Variants in TBC1D5 observed in about 807,000 individuals in gnomAD.
TBC1D5 encodes TBC1 domain family member 5, also known as TBC1 domain family, member 5.
In TBC1D5, 75 loss-of-function variants were observed where a neutral mutation model predicts 100.3. That is an observed-to-expected ratio of 0.75 (90% CI 0.62 to 0.91). The LOEUF is 0.91. TBC1D5 is among the 40% of genes least tolerant of loss of function. The pLI is 0.00. For synonymous variants in TBC1D5, 323 were observed against 325.6 expected, an observed-to-expected ratio of 0.99 and a Z score of 0.09; for missense variants, 910 against 942.4, an observed-to-expected ratio of 0.97 and a Z score of 0.45.
At chr3:17,723,233 T>C (rs2153970213) in intron 1 of TBC1D5, among the ~76,000 whole-genome samples, 1 of 152,206 alleles carries the variant, frequency 6.6e-6, no homozygotes, top group East Asian at 1.9e-4. Flanking sequence ...ACCCATTCTC[T>C]ATGTGTGATT....
At chr3:17,216,511 A>G (rs2073651339) in intron 17 of TBC1D5, among the ~76,000 whole-genome samples, 1 of 152,090 alleles carries the variant, frequency 6.6e-6, no homozygotes, top group African/African-American at 2.4e-5. Context: ...GAAGAATCCA[A>G]CCTGTAATGC....
intron 1 of TBC1D5, among the ~76,000 whole-genome samples, chr3:17,669,043 A>G (rs1212904381): frequency 6.6e-6 from 1 of 152,162 alleles, no homozygotes; most frequent in Non-Finnish European, 1.5e-5. Context: ...TGTAGTTCCC[A>G]TAATCCCCAT....
chr3:17,693,680 A>C (rs967982396), intron 1 of TBC1D5, among the ~76,000 whole-genome samples: 4 of 152,298 alleles, frequency 2.6e-5, no homozygotes, highest in African/African-American at 7.2e-5. Context: ...GCAGCAGACA[A>C]CTTCTGCAGA....
At chr3:17,579,893 T>TTATA (rs935169853) in intron 2 of TBC1D5, among the ~76,000 whole-genome samples, 7 of 152,116 alleles carry the variant, frequency 4.6e-5, no homozygotes, top group African/African-American at 1.7e-4. Flanking sequence ...AGAGATCACA[T>TTATA]TATACCAATA....
At chr3:17,319,802 G>A (rs530803041) in intron 13 of TBC1D5, among the ~76,000 whole-genome samples, 9 of 152,152 alleles carry the variant, frequency 5.9e-5, no homozygotes, top group African/African-American at 1.2e-4. Context: ...CCCGGGAGGC[G>A]GAGCTTGCAG....
At chr3:17,234,568 A>G (rs1297748480) in intron 17 of TBC1D5, among the ~76,000 whole-genome samples, 3 of 152,176 alleles carry the variant, frequency 2.0e-5, no homozygotes, top group Non-Finnish European at 2.9e-5. Flanking sequence ...CCTGGATGAC[A>G]AAGTTCAACA....
chr3:17,443,865 A>C (rs1392975470), intron 3 of TBC1D5, among the ~76,000 whole-genome samples: 1 of 152,228 alleles, frequency 6.6e-6, no homozygotes, highest in Non-Finnish European at 1.5e-5. Context: ...TACAATCTGA[A>C]GAACAAAGAA....
At chr3:17,160,276 C>A (rs978059990) in exon 22 of TBC1D5, 3 of 151,888 alleles carry the variant, frequency 2.0e-5, no homozygotes, top group South Asian at 2.1e-4. Flanking sequence ...TTTAATACAT[C>A]AAAAAAATCT....
intron 2 of TBC1D5, among the ~76,000 whole-genome samples, chr3:17,517,249 T>C (rs2096002850): frequency 6.6e-6 from 1 of 152,230 alleles, no homozygotes; most frequent in Non-Finnish European, 1.5e-5. Context: ...ACTCAACTTC[T>C]GAACTACGCT....
At chr3:17,536,910 A>G (rs1321009135) in intron 2 of TBC1D5, among the ~76,000 whole-genome samples, 1 of 152,176 alleles carries the variant, frequency 6.6e-6, no homozygotes, top group Non-Finnish European at 1.5e-5. Flanking sequence ...AAGTTTTGTT[A>G]TACAGATGAG....
At chr3:17,482,401 C>T (rs1362061476) in intron 3 of TBC1D5, among the ~76,000 whole-genome samples, 1 of 152,124 alleles carries the variant, frequency 6.6e-6, no homozygotes, top group Admixed American at 6.5e-5. Context: ...TTTGTGTATG[C>T]AATTTATCAA....
At chr3:17,459,122 A>G (rs11922534) in intron 3 of TBC1D5, among the ~76,000 whole-genome samples, 13,847 of 152,206 alleles carry the variant, frequency 0.091, 1,406 homozygotes, top group African/African-American at 0.25. Flanking sequence ...TTGTGTGTGG[A>G]CACCATAGAG....
At chr3:17,633,197 G>A (rs1029537953) in intron 1 of TBC1D5, among the ~76,000 whole-genome samples, 11 of 152,150 alleles carry the variant, frequency 7.2e-5, no homozygotes, top group African/African-American at 2.7e-4. Flanking sequence ...AGCACTTCAG[G>A]AGGCCGAGGC....
At chr3:17,671,494 T>C (rs2067933578) in intron 1 of TBC1D5, among the ~76,000 whole-genome samples, 1 of 152,152 alleles carries the variant, frequency 6.6e-6, no homozygotes, top group African/African-American at 2.4e-5. Context: ...TAGAAAATAT[T>C]CAATATCCTT....
intron 13 of TBC1D5, among the ~76,000 whole-genome samples, chr3:17,337,123 G>GTTTTTTTTTTTTTTTTTTTTTT (rs11328091): frequency 1.2e-4 from 14 of 116,132 alleles, no homozygotes; most frequent in African/African-American, 4.9e-4. Flanking sequence ...TATCTGAGAG[G>GTTTTTTTTTTTTTTTTTTTTTT]TTTTTTTTTT....
chr3:17,187,960 A>G (rs1176360018), intron 18 of TBC1D5, among the ~76,000 whole-genome samples: 1 of 152,220 alleles, frequency 6.6e-6, no homozygotes, highest in African/African-American at 2.4e-5. Flanking sequence ...GAGCTTTGAT[A>G]CTCAGCAGTC....
intron 13 of TBC1D5, among the ~76,000 whole-genome samples, chr3:17,314,629 G>GC (rs1413782441): frequency 3.3e-5 from 5 of 152,026 alleles, no homozygotes; most frequent in Non-Finnish European, 4.4e-5. Context: ...GCATCTTTCA[G>GC]CCCCCCAGTA....
At chr3:17,491,648 G>A (rs1019839991) in intron 3 of TBC1D5, among the ~76,000 whole-genome samples, 1 of 152,164 alleles carries the variant, frequency 6.6e-6, no homozygotes, top group Admixed American at 6.5e-5. Flanking sequence ...GCATCCCGGG[G>A]ATGAGGTCGA....
chr3:17,463,814 T>C (rs1324625502), intron 3 of TBC1D5, among the ~76,000 whole-genome samples: 1 of 152,190 alleles, frequency 6.6e-6, no homozygotes, highest in Non-Finnish European at 1.5e-5. Context: ...GCCCTCTTCA[T>C]TGCAGAAAGC....
Sources: allele counts gnomAD v4.1 joint callset (sites outside exome capture counted in the v4.1 genomes callset), GRCh38; gene constraint gnomAD v4.1.1; transcripts MANE v1.5; gene names NCBI Gene and HGNC (gene_info 2026-07-23, HGNC 2026-07-21).